The following EXOC4 variants were observed in gnomAD, a reference collection of about 807,000 sequenced individuals.
EXOC4 encodes SEC8-like 1.
EXOC4 carries 71 observed loss-of-function variants against 107.2 expected under a neutral mutation model. The observed-to-expected ratio is 0.66, with a 90% CI of 0.55 to 0.81. The LOEUF is 0.81. Ranked by LOEUF, EXOC4 falls within the 30% of genes least tolerant of loss-of-function variation. The probability of loss-of-function intolerance (pLI) is 0.00; values close to 1 mark genes in which losing one functional copy is unlikely to be tolerated. For missense variants in EXOC4, 1,108 were observed against 1,189.6 expected (o/e 0.93, Z 1.01); for synonymous variants, 456 against 441.2 (o/e 1.03, Z -0.42).
In EXOC4 at chr7:133,716,058, C is replaced by A. The variant is rs184230341; in HGVS notation, c.1514+85917C>A. 2.2e-4 allele frequency among the ~76,000 whole-genome samples: 33 copies of A among 152,354 alleles called. 1 individual carries two copies. Among genetic ancestry groups the A allele is most frequent in the Admixed American group, 1.9e-3 (29 of 15,306 alleles). On this transcript the variant is annotated intron_variant, in intron 10 of 17. Coordinates refer to ENST00000253861, the MANE Select transcript of EXOC4 (RefSeq NM_021807.4). The stretch of plus-strand genomic sequence containing the variant: ...TCTCAATTGAGAAATTCTTTTCCTG[C>A]TTCTTTAAATTATTAAAGTCAAATA...
intron 10 of EXOC4, among the ~76,000 whole-genome samples, chr7:133,684,953 GA>G (rs1327489385): frequency 6.6e-6 from 1 of 152,060 alleles, no homozygotes; most frequent in African/African-American, 2.4e-5. Context: ...GGGTAGAATA[GA>G]AAAAAATCCA....
At chr7:133,830,806 T>C (rs1006361718) in intron 11 of EXOC4, among the ~76,000 whole-genome samples, 5 of 152,210 alleles carry the variant, frequency 3.3e-5, no homozygotes, top group African/African-American at 4.8e-5. Context: ...TTATTCATAC[T>C]GCCTTATTTT....
chr7:134,011,282 T>G (rs1312832495), intron 17 of EXOC4, among the ~76,000 whole-genome samples: 1 of 152,168 alleles, frequency 6.6e-6, no homozygotes, highest in Non-Finnish European at 1.5e-5. Flanking sequence ...GAACGATGAT[T>G]GGAGTCCCCA....
chr7:133,575,741 A>G (rs1563113385), intron 9 of EXOC4, among the ~76,000 whole-genome samples: 2 of 152,160 alleles, frequency 1.3e-5, no homozygotes, highest in East Asian at 3.9e-4. Flanking sequence ...AGTGGTATAC[A>G]ATTCAGAAAT....
chr7:133,572,425 G>C (rs1801042599), intron 9 of EXOC4, among the ~76,000 whole-genome samples: 1 of 151,894 alleles, frequency 6.6e-6, no homozygotes, highest in Non-Finnish European at 1.5e-5. Context: ...TAAGCTTAGG[G>C]AAAAAAACTT....
At chr7:133,328,940 A>G (rs1455289770) in intron 5 of EXOC4, among the ~76,000 whole-genome samples, 1 of 151,996 alleles carries the variant, frequency 6.6e-6, no homozygotes, top group Non-Finnish European at 1.5e-5. Flanking sequence ...TGTTCTCTGT[A>G]TTTCCTGAAT....
At chr7:133,586,055 C>A (rs941014656) in intron 9 of EXOC4, among the ~76,000 whole-genome samples, 1 of 152,166 alleles carries the variant, frequency 6.6e-6, no homozygotes, top group East Asian at 1.9e-4. Flanking sequence ...GAAAGGCAGG[C>A]ATGAAGTATC....
At chr7:133,573,561 A>G (rs78809961) in intron 9 of EXOC4, among the ~76,000 whole-genome samples, 213 of 152,242 alleles carry the variant, frequency 1.4e-3, no homozygotes, top group African/African-American at 5.0e-3. Flanking sequence ...TACGCCCCAA[A>G]GTATACAGTC....
intron 10 of EXOC4, among the ~76,000 whole-genome samples, chr7:133,702,376 T>G (rs1049436649): frequency 3.3e-5 from 4 of 121,018 alleles, no homozygotes; most frequent in Non-Finnish European, 3.4e-5. Flanking sequence ...TCTCACGCTG[T>G]TGCCCAAGCT....
intron 17 of EXOC4, among the ~76,000 whole-genome samples, chr7:134,048,870 GA>G (rs939102331): frequency 1.7e-4 from 26 of 149,442 alleles, no homozygotes; most frequent in East Asian, 1.2e-3. Context: ...TCTGGTACTA[GA>G]AAAAAAAAAT....
At chr7:133,299,049 A>G (rs1794585332) in intron 3 of EXOC4, among the ~76,000 whole-genome samples, 2 of 152,174 alleles carry the variant, frequency 1.3e-5, no homozygotes, top group South Asian at 2.1e-4. Flanking sequence ...TTTTGCAAAC[A>G]CTTTGCATGG....
intron 11 of EXOC4, among the ~76,000 whole-genome samples, chr7:133,830,255 C>T (rs1045575701): frequency 2.6e-5 from 4 of 152,206 alleles, no homozygotes; most frequent in African/African-American, 9.6e-5. Flanking sequence ...GTCAAGGCTG[C>T]CTATCAGGCA....
rs543943587 is a variant in EXOC4 at position 133,898,613 on chromosome 7, G to A, written c.1871+2878G>A. Among the ~76,000 whole-genome samples, 407 of 152,018 alleles carry A rather than the reference G, an allele frequency of 2.7e-3. 4 individuals carry two copies. Among genetic ancestry groups the A allele is most frequent in the African/African-American group, 9.3e-3 (384 of 41,442 alleles). On this transcript the variant is annotated intron_variant, in intron 12 of 17. Transcript: ENST00000253861. ...ACAAAAAAAATTAGCCGGGCGTGGT[G>A]GCAGCGCCTGTAGTCCCAGCTACTC...
At chr7:133,558,992 C>T (rs1800757058) in intron 9 of EXOC4, among the ~76,000 whole-genome samples, 1 of 152,174 alleles carries the variant, frequency 6.6e-6, no homozygotes, top group South Asian at 2.1e-4. Flanking sequence ...TATATGGGGG[C>T]TATGTAAAAT....
At chr7:133,625,833 A>G (rs1237396416) in intron 9 of EXOC4, among the ~76,000 whole-genome samples, 1 of 152,126 alleles carries the variant, frequency 6.6e-6, no homozygotes, top group Non-Finnish European at 1.5e-5. Flanking sequence ...CACAGCTGCA[A>G]TTAGACTATA....
chr7:133,588,614 C>T (rs923773333), intron 9 of EXOC4, among the ~76,000 whole-genome samples: 25 of 151,994 alleles, frequency 1.6e-4, no homozygotes, highest in African/African-American at 4.6e-4. Context: ...AATATATGGC[C>T]GGGTGTGGTG....
At chr7:133,786,123 T>G (rs1334575992) in intron 10 of EXOC4, among the ~76,000 whole-genome samples, 1 of 152,244 alleles carries the variant, frequency 6.6e-6, no homozygotes, top group Admixed American at 6.5e-5. Flanking sequence ...AGCAGAACTT[T>G]TAAGCAAAAG....
chr7:134,019,886 C>G (rs894953644), intron 17 of EXOC4, among the ~76,000 whole-genome samples: 3 of 152,170 alleles, frequency 2.0e-5, no homozygotes, highest in Non-Finnish European at 4.4e-5. Context: ...TTTTAATCAG[C>G]TTTAATGGGC....
chr7:134,013,101 C>T (rs1585321522), intron 17 of EXOC4, among the ~76,000 whole-genome samples: 2 of 152,104 alleles, frequency 1.3e-5, no homozygotes, highest in Admixed American at 6.5e-5. Flanking sequence ...CTCAAGTCTA[C>T]GGTAGGGTTT....
Sources: allele counts gnomAD v4.1 joint callset (sites outside exome capture counted in the v4.1 genomes callset), GRCh38; gene constraint gnomAD v4.1.1; transcripts MANE v1.5; gene names NCBI Gene and HGNC (gene_info 2026-07-23, HGNC 2026-07-21).